Variants in NKD1 observed in about 807,000 individuals in gnomAD.
NKD1 encodes NKD inhibitor of Wnt signaling pathway 1, also known as protein naked cuticle homolog 1.
In NKD1, 21 loss-of-function variants were observed where a neutral mutation model predicts 56.0. The observed-to-expected ratio is 0.38, with a 90% CI of 0.27 to 0.54. NKD1 has a LOEUF of 0.54. NKD1 is among the 20% of genes least tolerant of loss of function. The probability of loss-of-function intolerance (pLI) is 0.82; values close to 1 mark genes in which losing one functional copy is unlikely to be tolerated. For missense variants in NKD1, 578 were observed against 642.7 expected (o/e 0.90, Z 1.09); for synonymous variants, 263 against 265.7 (o/e 0.99, Z 0.10).
chr16:50,596,697 C>T (rs549385540), intron 3 of NKD1, among the ~76,000 whole-genome samples: 12 of 152,370 alleles, frequency 7.9e-5, no homozygotes, highest in East Asian at 1.9e-4. Context: ...GTGCCTCCGC[C>T]GTCAGGCGTT....
chr16:50,575,442 A>G, intron 3 of NKD1: 1 of 695,368 alleles, frequency 1.4e-6, no homozygotes, highest in Non-Finnish European at 1.8e-6. Flanking sequence ...TCCTGGGAGA[A>G]GGGATTTGAA....
chr16:50,611,967 G>A (rs1354325790), intron 4 of NKD1, among the ~76,000 whole-genome samples: 2 of 152,122 alleles, frequency 1.3e-5, no homozygotes, highest in Admixed American at 1.3e-4. Context: ...GTGTCAGCCC[G>A]TGTTTATAAT....
rs1365441492 is a variant in NKD1, at chr16:50,638,006, A to T, written c.*4225A>T. ...CTTGCACTTCACATCCAGCCATGCT[A>T]ATTACACTTTTTGGCAAAGGAAACA... On this transcript the variant is annotated 3_prime_UTR_variant, in exon 10 of 10. Transcript: ENST00000268459. 1.3e-5 allele frequency: 2 copies of T among 152,206 alleles called. No individual in the cohort carries two copies. Among genetic ancestry groups the T allele is most frequent in the East Asian group, 3.9e-4 (2 of 5,192 alleles). 9.4% of individuals were successfully genotyped at this position (152,206 alleles called of 1,614,324 possible). A position where few individuals can be genotyped will look rare whatever the true frequency, so the allele number is the denominator to read the frequency against.
intron 3 of NKD1, chr16:50,606,717 A>G (rs1470227394): frequency 2.3e-6 from 1 of 440,010 alleles, no homozygotes; most frequent in African/African-American, 2.0e-5. Context: ...CAGTGCAGTC[A>G]GGGTGGCAGG....
intron 4 of NKD1, among the ~76,000 whole-genome samples, chr16:50,608,728 A>G (rs1961774875): frequency 6.6e-6 from 1 of 152,158 alleles, no homozygotes. Context: ...TGGAGTAAGC[A>G]TTACACACAG....
intron 3 of NKD1, chr16:50,606,978 C>G: frequency 2.2e-6 from 1 of 456,876 alleles, no homozygotes; most frequent in Non-Finnish European, 4.4e-6. Context: ...GCTCTGTTAA[C>G]ACAAACAGCC....
At chr16:50,596,743 A>G (rs138553359) in intron 3 of NKD1, among the ~76,000 whole-genome samples, 12 of 152,358 alleles carry the variant, frequency 7.9e-5, no homozygotes, top group African/African-American at 2.9e-4. Context: ...AATGCCCCAG[A>G]GATAAATAAG....
chr16:50,648,879 C>G lies in NKD1; in HGVS notation c.*15098C>G, dbSNP rs780004426. 1.3e-5 allele frequency: 2 copies of G among 152,208 alleles called. No individual in the cohort carries two copies. Among genetic ancestry groups the G allele is most frequent in the Non-Finnish European group, 2.9e-5 (2 of 68,052 alleles). The allele number at this position is 152,208 out of a possible 1,614,324, so 9.4% of individuals were successfully genotyped here. ...TGGAATTCCAGTCACCATTTTGGAC[C>G]ATGAGGACAACACCCTAGAGATGTG... On this transcript the variant is annotated 3_prime_UTR_variant, in exon 10 of 10. Coordinates refer to ENST00000268459, the MANE Select transcript of NKD1 (RefSeq NM_033119.5).
Position 50,634,154 on chromosome 16 carries a change from T to G in NKD1, c.*373T>G. 1 of 188,978 alleles carries G rather than the reference T, an allele frequency of 5.3e-6. No individual in the cohort carries two copies. Among genetic ancestry groups the G allele is most frequent in the Non-Finnish European group, 1.1e-5 (1 of 92,678 alleles). The allele number at this position is 188,978 out of a possible 1,614,324, so 11.7% of individuals were successfully genotyped here. A position where few individuals can be genotyped will look rare whatever the true frequency, so the allele number is the denominator to read the frequency against. ...CCCAGCCTCTTCCAGGAGAGCACCCTTACTTGGCCCGGCTTCCAGAGACCC... is the reference window on the plus strand; with the variant it reads ...CCCAGCCTCTTCCAGGAGAGCACCCGTACTTGGCCCGGCTTCCAGAGACCC... On this transcript the variant is annotated 3_prime_UTR_variant, in exon 10 of 10. Transcript: ENST00000268459.
At chr16:50,576,037 T>C (rs2151267871) in intron 3 of NKD1, among the ~76,000 whole-genome samples, 1 of 152,358 alleles carries the variant, frequency 6.6e-6, no homozygotes, top group East Asian at 1.9e-4. Context: ...GGGGAGCATC[T>C]GGGCTGCAGA....
At chr16:50,566,109 G>T (rs1960753052) in intron 3 of NKD1, 1 of 978,000 alleles carries the variant, frequency 1.0e-6, no homozygotes, top group African/African-American at 1.7e-5. Flanking sequence ...GAGGAGGAAA[G>T]CAGCTTCAGG....
chr16:50,614,392 A>T, intron 4 of NKD1, among the ~76,000 whole-genome samples: 1 of 152,116 alleles, frequency 6.6e-6, no homozygotes, highest in East Asian at 1.9e-4. Context: ...ACACACACGT[A>T]TACTCACACA....
chr16:50,631,893 C>A (rs1184759623), intron 8 of NKD1, among the ~76,000 whole-genome samples: 2 of 152,248 alleles, frequency 1.3e-5, no homozygotes, highest in Non-Finnish European at 2.9e-5. Context: ...GCTGCCCACA[C>A]CCCCTGAGGA....
rs185492218 is a variant in NKD1 at position 50,623,244 on chromosome 16, T to C, written c.366+1536T>C. ...GACCGATCTTACCCCCTTTCCAGTG[T>C]CATCTCCCTGCCATGCCCCACCATC... On this transcript the variant is annotated intron_variant, in intron 5 of 9. Coordinates refer to ENST00000268459, the MANE Select transcript of NKD1 (RefSeq NM_033119.5). The surrounding 1 kb of genome is among the most constrained non-coding windows in gnomAD (Gnocchi z 4.1). 1.3e-5 allele frequency among the ~76,000 whole-genome samples: 2 copies of C among 151,508 alleles called. No individual in the cohort carries two copies. Among genetic ancestry groups the C allele is most frequent in the Admixed American group, 1.3e-4 (2 of 15,236 alleles).
Position 50,637,550 on chromosome 16 carries a change from A to AGAGT in NKD1, c.*3773_*3776dup, listed in dbSNP as rs1464089067. 3.3e-5 allele frequency: 5 copies of AGAGT among 152,362 alleles called. No homozygotes were observed. In the East Asian group the frequency reaches 9.6e-4, roughly 29 times the overall value. 9.4% of individuals were successfully genotyped at this position (152,362 alleles called of 1,614,324 possible). The stretch of plus-strand genomic sequence containing the variant: ...ACCACTGTACTCCAGCCTGGGCGAC[A>AGAGT]GAGTGAGACTCCATCTCAAATAAAT... On this transcript the variant is annotated 3_prime_UTR_variant, in exon 10 of 10. Transcript: ENST00000268459.
At chr16:50,560,260 C>T (rs757763423) in intron 3 of NKD1, among the ~76,000 whole-genome samples, 5 of 152,218 alleles carry the variant, frequency 3.3e-5, no homozygotes, top group African/African-American at 9.6e-5. Flanking sequence ...GTCCTGGGCA[C>T]GTGCCTGCTT....
intron 3 of NKD1, chr16:50,555,451 G>A: frequency 6.6e-6 from 1 of 152,634 alleles, no homozygotes; most frequent in Non-Finnish European, 1.5e-5. Flanking sequence ...GTCCTTGGGG[G>A]CTCAACCTGG....
chr16:50,614,625 A>G (rs1384316857), intron 4 of NKD1, among the ~76,000 whole-genome samples: 1 of 152,114 alleles, frequency 6.6e-6, no homozygotes, highest in Non-Finnish European at 1.5e-5. Context: ...TGGTCACTTG[A>G]CCAGGGTAGA....
In NKD1 at chr16:50,639,103, G is replaced by A. The variant is rs1487075328; in HGVS notation, c.*5322G>A. 2 of 152,132 alleles carry A rather than the reference G, an allele frequency of 1.3e-5. No homozygotes were observed. The highest frequency in any genetic ancestry group is 1.3e-4 in the Admixed American group (2 of 15,288). The allele number at this position is 152,132 out of a possible 1,614,324, so 9.4% of individuals were successfully genotyped here. A position where few individuals can be genotyped will look rare whatever the true frequency, so the allele number is the denominator to read the frequency against. On this transcript the variant is annotated 3_prime_UTR_variant, in exon 10 of 10. Coordinates refer to ENST00000268459, the MANE Select transcript of NKD1 (RefSeq NM_033119.5). The stretch of plus-strand genomic sequence containing the variant: ...AGAGTTCACAAAATACTGGTGCAGG[G>A]GTCCCACCTCTGATGATGCTGAGTG...
Sources: gnomAD v4.1 joint callset for allele counts (sites outside exome capture counted in the v4.1 genomes callset) on GRCh38, gnomAD v4.1.1 for gene constraint, Gnocchi (gnomAD v3.1) non-coding constraint, MANE v1.5 for transcripts, NCBI Gene and HGNC (gene_info 2026-07-23, HGNC 2026-07-21) for gene names.